Variants in TIAM2 observed in about 807,000 individuals in gnomAD.
TIAM2 encodes the protein TIAM Rac1 associated GEF 2.
In TIAM2, 80 loss-of-function variants were observed where a neutral mutation model predicts 152.9. The ratio of observed to expected loss-of-function variants is 0.52; its 90% CI spans 0.44 to 0.63. The LOEUF (loss-of-function observed/expected upper bound fraction) is 0.63. TIAM2 is among the 30% of genes least tolerant of loss of function. The probability of loss-of-function intolerance (pLI) is 0.00; values close to 1 mark genes in which losing one functional copy is unlikely to be tolerated. For missense variants in TIAM2, 1,965 were observed against 2,120.1 expected (o/e 0.93, Z 1.44); for synonymous variants, 804 against 838.0 (o/e 0.96, Z 0.70).
In TIAM2 at chr6:155,032,737, C is replaced by T. The variant is rs183582577; in HGVS notation, c.-209+37245C>T. Among the ~76,000 whole-genome samples, 11 of 152,224 alleles carry T rather than the reference C, an allele frequency of 7.2e-5. No homozygotes were observed. In the East Asian group the frequency reaches 1.4e-3, roughly 19 times the overall value. ...TTGTATTTTTAGTAGAGACGGGTTT[C>T]GCCATGTTGGCCAGGCTGGTCTTGA... On this transcript the variant is annotated intron_variant, in intron 1 of 26. Coordinates refer to ENST00000682666, the MANE Select transcript of TIAM2 (RefSeq NM_012454.4).
intron 15 of TIAM2, among the ~76,000 whole-genome samples, chr6:155,225,403 C>T (rs939825315): frequency 7.2e-5 from 11 of 152,210 alleles, no homozygotes; most frequent in African/African-American, 2.2e-4. Flanking sequence ...GGGGCTTATA[C>T]AGATGAGTTA....
rs144197643 is a variant in TIAM2 at position 155,198,999 on chromosome 6, A to C, written c.3065-12205A>C. 1.2e-4 allele frequency among the ~76,000 whole-genome samples: 19 copies of C among 152,214 alleles called. No individual in the cohort carries two copies. In the East Asian group the frequency reaches 3.7e-3, roughly 29 times the overall value. On this transcript the variant is annotated intron_variant, in intron 14 of 26. Transcript: ENST00000682666. ...GCTGCTCTGCAATTTTAATGGGCTA[A>C]TTGGTGCCCATGACAGTTAATTTGC...
intron 14 of TIAM2, among the ~76,000 whole-genome samples, chr6:155,196,636 A>G (rs1781353043): frequency 6.6e-6 from 1 of 152,312 alleles, no homozygotes; most frequent in Non-Finnish European, 1.5e-5. Context: ...AGAGAAAGGG[A>G]GGAACTTTGA....
chr6:155,223,442 C>T (rs148229449), intron 15 of TIAM2, among the ~76,000 whole-genome samples: 61 of 151,734 alleles, frequency 4.0e-4, no homozygotes, highest in African/African-American at 1.4e-3. Context: ...TAAATAACAA[C>T]CCCTAGATGG....
chr6:155,222,619 A>C (rs9397791), intron 15 of TIAM2, among the ~76,000 whole-genome samples: 28 of 50,034 alleles, frequency 5.6e-4, no homozygotes, highest in East Asian at 1.8e-3. Flanking sequence ...AAAACAAACA[A>C]AAAAAAAAAA....
chr6:155,213,221 G>A lies in TIAM2; in HGVS notation c.3168+1914G>A, dbSNP rs1220240425. On this transcript the variant is annotated intron_variant, in intron 15 of 26. Coordinates refer to ENST00000682666, the MANE Select transcript of TIAM2 (RefSeq NM_012454.4). The surrounding 1 kb of genome is among the most constrained non-coding windows in gnomAD (Gnocchi z 4.2). ...CATGACCAGGAAGAAGGAGGTATGC[G>A]GGCAAGGGGAGGGTGAGCAAGGTGA... Among the ~76,000 whole-genome samples, 2 of 152,172 alleles carry A rather than the reference G, an allele frequency of 1.3e-5. No individual in the cohort carries two copies. The highest frequency in any genetic ancestry group is 2.9e-5 in the Non-Finnish European group (2 of 68,030).
At chr6:155,003,763 G>A (rs557270885) in intron 1 of TIAM2, among the ~76,000 whole-genome samples, 128 of 152,300 alleles carry the variant, frequency 8.4e-4, no homozygotes, top group Admixed American at 2.2e-3. Flanking sequence ...TGCTACCACC[G>A]CAGCTGCCAC....
At chr6:155,169,994 T>G (rs749526635) in intron 9 of TIAM2, among the ~76,000 whole-genome samples, 2 of 152,042 alleles carry the variant, frequency 1.3e-5, no homozygotes, top group Non-Finnish European at 2.9e-5. Flanking sequence ...AATTTTTGTA[T>G]TTTTAGTAGA....
chr6:155,183,375 C>T lies in TIAM2; in HGVS notation c.2939C>T (p.Thr980Ile). The change falls in exon 14 of 27, where the codon ACC becomes ATC. Residue 980 changes from threonine (T) to isoleucine (I), a missense_variant. Thr to Ile is a moderately conservative substitution (Grantham distance 89). Transcript: ENST00000682666. ...LIARPPDTKA[T>I]LCTSWSDSDL... The stretch of plus-strand genomic sequence containing the variant: ...GCCCGGCCTCCGGACACAAAAGCAA[C>T]CCTGTGTACATCCTGGTCAGACAGT... 2 of 1,613,276 alleles carry T rather than the reference C, an allele frequency of 1.2e-6. No homozygotes were observed. Among genetic ancestry groups the T allele is most frequent in the Non-Finnish European group, 1.7e-6 (2 of 1,179,750 alleles).
At chr6:155,201,497 C>A (rs1472811668) in intron 14 of TIAM2, among the ~76,000 whole-genome samples, 1 of 152,206 alleles carries the variant, frequency 6.6e-6, no homozygotes, top group South Asian at 2.1e-4. Flanking sequence ...GGCTGAAGAT[C>A]TCTCTCGTCA....
chr6:155,194,170 C>G (rs1781279540), intron 14 of TIAM2, among the ~76,000 whole-genome samples: 1 of 152,130 alleles, frequency 6.6e-6, no homozygotes, highest in South Asian at 2.1e-4. Flanking sequence ...ATAGAGCGTT[C>G]CAGGCGCAGA....
At chr6:155,239,621 G>A (rs1161996612) in intron 15 of TIAM2, among the ~76,000 whole-genome samples, 4 of 152,254 alleles carry the variant, frequency 2.6e-5, no homozygotes, top group Non-Finnish European at 5.9e-5. Context: ...GTCTGAATAG[G>A]AGCTTGTGCC....
chr6:155,147,988 A>G (rs2115065050), intron 6 of TIAM2, 122 bp from the exon 7 acceptor site: 3 of 916,158 alleles, frequency 3.3e-6, no homozygotes, highest in Middle Eastern at 3.4e-4. Flanking sequence ...TTTGAAATTA[A>G]GCAGCTTGTA....
intron 2 of TIAM2, among the ~76,000 whole-genome samples, chr6:155,119,464 C>G (rs1341108538): frequency 1.3e-5 from 2 of 152,014 alleles, no homozygotes; most frequent in African/African-American, 4.8e-5. Context: ...CTCAGCCTCT[C>G]GAATAGCTGG....
chr6:155,133,013 C>A (rs142627318), intron 4 of TIAM2, among the ~76,000 whole-genome samples: 9 of 152,302 alleles, frequency 5.9e-5, no homozygotes, highest in Admixed American at 2.6e-4. Context: ...TTCAATTCTG[C>A]ATTGTCCAAA....
intron 14 of TIAM2, among the ~76,000 whole-genome samples, chr6:155,190,985 G>A (rs532561163): frequency 6.6e-6 from 1 of 152,326 alleles, no homozygotes; most frequent in Admixed American, 6.5e-5. Context: ...TGCCTATGAA[G>A]GAAGTGAGAT....
rs375238178 is a variant in TIAM2, at chr6:155,164,133, G to GTTTTTTTTTTT, written c.2029-280_2029-270dup. Among the ~76,000 whole-genome samples the GTTTTTTTTTTT allele has an allele frequency of 7.2e-4, 85 of 118,006 alleles. 7 individuals are homozygous for GTTTTTTTTTTT. Among genetic ancestry groups the GTTTTTTTTTTT allele is most frequent in the South Asian group, 1.3e-3 (4 of 3,156 alleles). The allele number at this position is 118,006 out of a possible 152,430, so 77.4% of individuals were successfully genotyped here. On this transcript the variant is annotated intron_variant, in intron 7 of 26. Transcript: ENST00000682666. The stretch of plus-strand genomic sequence containing the variant: ...TGGCACCACACCAGCTAATTTTTGT[G>GTTTTTTTTTTT]TTTTTTTTTTTTCTTTTTTTTAGTA...
intron 1 of TIAM2, among the ~76,000 whole-genome samples, chr6:155,038,148 C>A (rs184526632): frequency 6.6e-6 from 1 of 152,280 alleles, no homozygotes; most frequent in East Asian, 1.9e-4. Context: ...AGTGAACACA[C>A]CATGTAATGA....
chr6:155,148,334 G>A lies in TIAM2; in HGVS notation c.2028G>A (p.Gln676=). The A allele has an allele frequency of 6.2e-7, 1 of 1,610,666 alleles. No homozygotes were observed. Among genetic ancestry groups the A allele is most frequent in the Non-Finnish European group, 8.5e-7 (1 of 1,179,312 alleles). Residue 676 remains glutamine, a splice_region_variant and synonymous_variant, in exon 7 of 27, where the codon CAG becomes CAA. Coordinates refer to ENST00000682666, the MANE Select transcript of TIAM2 (RefSeq NM_012454.4). Reference sequence around the variant, plus strand: ...AGAACAGGAAAGCCATAGAGAACCAGGTACTGTTTGTCTACACCTGAGTTT... The same window carrying A: ...AGAACAGGAAAGCCATAGAGAACCAAGTACTGTTTGTCTACACCTGAGTTT... ...DPKNRKAIEN[Q]IQQWEQNLEK...
Sources: allele counts gnomAD v4.1 joint callset (sites outside exome capture counted in the v4.1 genomes callset), GRCh38; gene constraint gnomAD v4.1.1; non-coding constraint Gnocchi (gnomAD v3.1); transcripts MANE v1.5; gene names NCBI Gene and HGNC (gene_info 2026-07-23, HGNC 2026-07-21).